PKIA: variants seen among roughly 807,000 people sequenced by gnomAD.
The protein encoded by PKIA is PKI-alpha.
A neutral mutation model predicts 7.6 loss-of-function variants in PKIA; 4 were observed. The ratio of observed to expected loss-of-function variants is 0.52; its 90% CI spans 0.26 to 1.20. The LOEUF is 1.20. PKIA is among the 50% of genes most tolerant of loss of function. PKIA has a pLI of 0.13. For synonymous variants in PKIA, 21 were observed against 30.7 expected (o/e 0.68, Z 1.04); for missense variants, 73 against 86.2 (o/e 0.85, Z 0.61).
intron 1 of PKIA, among the ~76,000 whole-genome samples, chr8:78,530,847 C>G (rs1375494962): frequency 6.6e-6 from 1 of 152,042 alleles, no homozygotes; most frequent in African/African-American, 2.4e-5. Flanking sequence ...TCACAGAATT[C>G]TCTCCTATAA....
At chr8:78,598,288 TA>T in intron 2 of PKIA, 69 bp from the exon 3 acceptor site, 3 of 905,984 alleles carry the variant, frequency 3.3e-6, no homozygotes, top group Non-Finnish European at 5.1e-6. Context: ...ATTCATATAC[TA>T]AGTCGGTAGT....
intron 1 of PKIA, among the ~76,000 whole-genome samples, chr8:78,533,632 G>T (rs990922085): frequency 2.6e-5 from 4 of 152,060 alleles, no homozygotes; most frequent in African/African-American, 9.7e-5. Context: ...TGAGATGGAG[G>T]AGTGCTTGAA....
At chr8:78,519,658 A>G (rs1809378892) in intron 1 of PKIA, among the ~76,000 whole-genome samples, 1 of 152,026 alleles carries the variant, frequency 6.6e-6, no homozygotes, top group African/African-American at 2.4e-5. Context: ...GTCCTCTTCT[A>G]TGTTATTCTT....
At chr8:78,537,100 T>C (rs773321189) in intron 1 of PKIA, among the ~76,000 whole-genome samples, 2 of 151,942 alleles carry the variant, frequency 1.3e-5, no homozygotes, top group African/African-American at 2.4e-5. Context: ...GAGGGATCTA[T>C]AGGCCACTTC....
intron 1 of PKIA, among the ~76,000 whole-genome samples, chr8:78,570,569 GT>G (rs1216255973): frequency 6.6e-6 from 1 of 152,134 alleles, no homozygotes; most frequent in Non-Finnish European, 1.5e-5. Context: ...ATCTGATCAT[GT>G]TATGCAAATA....
chr8:78,544,716 A>G (rs1806779750), intron 1 of PKIA, among the ~76,000 whole-genome samples: 1 of 152,214 alleles, frequency 6.6e-6, no homozygotes, highest in South Asian at 2.1e-4. Context: ...TGTCCAGTGT[A>G]GTACAGAAGA....
intron 1 of PKIA, among the ~76,000 whole-genome samples, chr8:78,570,341 G>A (rs140201226): frequency 1.1e-4 from 17 of 152,282 alleles, no homozygotes; most frequent in Middle Eastern, 3.4e-3. Flanking sequence ...AATGACAGCA[G>A]ATTTCGGATC....
chr8:78,516,506 C>G (rs1443735857), intron 1 of PKIA, 38 bp downstream of exon 1: 1 of 152,334 alleles, frequency 6.6e-6, no homozygotes, highest in Non-Finnish European at 1.5e-5. Flanking sequence ...GGCCGCACTG[C>G]GTGGAGCTTT....
chr8:78,566,538 G>T (rs2118536818), intron 1 of PKIA, among the ~76,000 whole-genome samples: 2 of 152,092 alleles, frequency 1.3e-5, no homozygotes, highest in East Asian at 3.9e-4. Context: ...AGTATCATTG[G>T]CAACCACGAG....
chr8:78,521,555 A>G (rs1222883753), intron 1 of PKIA, among the ~76,000 whole-genome samples: 2 of 152,002 alleles, frequency 1.3e-5, no homozygotes, highest in Admixed American at 1.3e-4. Context: ...CAAAAGGACA[A>G]CTTAAGCTGT....
intron 1 of PKIA, among the ~76,000 whole-genome samples, chr8:78,536,368 A>T (rs1806521248): frequency 6.6e-6 from 1 of 152,162 alleles, no homozygotes; most frequent in Non-Finnish European, 1.5e-5. Context: ...GCTGCCTCAG[A>T]GACAATGAGA....
intron 2 of PKIA, among the ~76,000 whole-genome samples, chr8:78,583,679 A>G (rs1311410774): frequency 6.6e-6 from 1 of 152,090 alleles, no homozygotes; most frequent in East Asian, 1.9e-4. Context: ...AGAGGAGATT[A>G]TAGTTGGAGA....
At chr8:78,571,057 A>C (rs1807535237) in intron 1 of PKIA, among the ~76,000 whole-genome samples, 1 of 152,130 alleles carries the variant, frequency 6.6e-6, no homozygotes, top group Non-Finnish European at 1.5e-5. Flanking sequence ...GTTACACTGA[A>C]GTCTAGCTTA....
In PKIA at chr8:78,519,538, T is replaced by TCA. The variant is rs769336374; in HGVS notation, c.-157+3071_-157+3072dup. 1.3e-4 allele frequency among the ~76,000 whole-genome samples: 20 copies of TCA among 152,304 alleles called. No individual in the cohort carries two copies. The East Asian group carries it at 3.9e-3, about 29-fold the overall frequency. On this transcript the variant is annotated intron_variant, in intron 1 of 3. Coordinates refer to ENST00000396418, the MANE Select transcript of PKIA (RefSeq NM_006823.4). ...GCTCAAATAGAAATGTCATTTCTAT[T>TCA]CAACCAGTGACTCCACTGAGAATGG...
intron 1 of PKIA, among the ~76,000 whole-genome samples, chr8:78,549,900 T>G (rs1462394316): frequency 6.6e-6 from 1 of 152,086 alleles, no homozygotes; most frequent in Non-Finnish European, 1.5e-5. Context: ...TTATTGCTAG[T>G]CAAAGAGTTT....
At position 78,604,798 on chromosome 8, in the gene PKIA, G is replaced by A. The variant is rs931784261; in HGVS notation, c.*2977G>A. The A allele has an allele frequency of 4.6e-5, 7 of 151,894 alleles. No homozygotes were observed. Among genetic ancestry groups the A allele is most frequent in the Admixed American group, 2.6e-4 (4 of 15,196 alleles). The allele number at this position is 151,894 out of a possible 1,614,324, so 9.4% of individuals were successfully genotyped here. On this transcript the variant is annotated 3_prime_UTR_variant, in exon 4 of 4. Transcript: ENST00000396418. The stretch of plus-strand genomic sequence containing the variant: ...TTGTTAAATTTACCTTTTATCAATT[G>A]TAATCATCCTATGCCAACATATTAT...
At chr8:78,539,307 A>G (rs1806614063) in intron 1 of PKIA, among the ~76,000 whole-genome samples, 1 of 152,134 alleles carries the variant, frequency 6.6e-6, no homozygotes, top group African/African-American at 2.4e-5. Flanking sequence ...CGATGTAAGG[A>G]AGAAATCATC....
chr8:78,588,369 A>G (rs370111696), intron 2 of PKIA, among the ~76,000 whole-genome samples: 601 of 152,208 alleles, frequency 3.9e-3, no homozygotes, highest in African/African-American at 0.014. Context: ...AATCCCAGCT[A>G]CTCAGGAGGC....
chr8:78,519,313 T>C (rs148233997), intron 1 of PKIA, among the ~76,000 whole-genome samples: 1 of 152,224 alleles, frequency 6.6e-6, no homozygotes, highest in East Asian at 1.9e-4. Context: ...TTAACTACAA[T>C]TGAAATAGCC....
Sources: allele counts gnomAD v4.1 joint callset (sites outside exome capture counted in the v4.1 genomes callset), GRCh38; gene constraint gnomAD v4.1.1; transcripts MANE v1.5; gene names NCBI Gene and HGNC (gene_info 2026-07-23, HGNC 2026-07-21).